Variants in LMBR1 observed in about 807,000 individuals in gnomAD.
The protein encoded by LMBR1 is limb region 1 protein homolog.
In LMBR1, 52 loss-of-function variants were observed where a neutral mutation model predicts 73.9. The ratio of observed to expected loss-of-function variants is 0.70; its 90% CI spans 0.56 to 0.89. LMBR1 has a LOEUF of 0.89. LMBR1 is among the 40% of genes least tolerant of loss of function. The pLI is 0.00. For synonymous variants in LMBR1, 215 were observed against 209.4 expected (o/e 1.03, Z -0.23); for missense variants, 539 against 579.8 (o/e 0.93, Z 0.72).
chr7:156,850,349 A>G (rs1020633134), intron 1 of LMBR1, among the ~76,000 whole-genome samples: 1 of 152,174 alleles, frequency 6.6e-6, no homozygotes, highest in Non-Finnish European at 1.5e-5. Context: ...TGTTCATTAT[A>G]TATTATCCAG....
rs754477172 is a variant in LMBR1 at position 156,780,084 on chromosome 7, C to T, written c.424-16289G>A. ...CCCAAGTAATCATTAAGAGCATACACGAAAAAGCTTTGGTCTCACGTCAGA... is the reference window on the plus strand; with the variant it reads ...CCCAAGTAATCATTAAGAGCATACATGAAAAAGCTTTGGTCTCACGTCAGA... On this transcript the variant is annotated intron_variant, in intron 5 of 16. Transcript: ENST00000353442. Among the ~76,000 whole-genome samples, 6 of 152,154 alleles carry T rather than the reference C, an allele frequency of 3.9e-5. No individual in the cohort carries two copies. In the South Asian group the frequency reaches 8.3e-4, roughly 21 times the overall value.
At chr7:156,853,115 T>A (rs1796468976) in intron 1 of LMBR1, among the ~76,000 whole-genome samples, 1 of 151,584 alleles carries the variant, frequency 6.6e-6, no homozygotes, top group Non-Finnish European at 1.5e-5. Context: ...ATTTTTTGTA[T>A]TTTTAGTAGA....
chr7:156,691,431 C>T (rs565754694), intron 15 of LMBR1, among the ~76,000 whole-genome samples: 24 of 152,134 alleles, frequency 1.6e-4, no homozygotes, highest in African/African-American at 5.5e-4. Flanking sequence ...TCTATTCATA[C>T]CTATAAAAGA....
chr7:156,742,677 A>G (rs544878100), intron 9 of LMBR1, among the ~76,000 whole-genome samples: 1 of 152,312 alleles, frequency 6.6e-6, no homozygotes, highest in South Asian at 2.1e-4. Context: ...GAAGTCTACC[A>G]AACATTTAAA....
intron 1 of LMBR1, among the ~76,000 whole-genome samples, chr7:156,861,383 CA>C (rs1797692407): frequency 6.6e-6 from 1 of 152,184 alleles, no homozygotes; most frequent in Non-Finnish European, 1.5e-5. Flanking sequence ...CTGCACAGAG[CA>C]GGGGGGCCCT....
intron 4 of LMBR1, among the ~76,000 whole-genome samples, chr7:156,826,314 C>G (rs1010066083): frequency 2.6e-5 from 4 of 152,100 alleles, no homozygotes; most frequent in African/African-American, 9.7e-5. Flanking sequence ...TTGAGTTCTT[C>G]TGACATAGTC....
At chr7:156,730,966 GAAA>G (rs879465635) in intron 10 of LMBR1, among the ~76,000 whole-genome samples, 1 of 149,052 alleles carries the variant, frequency 6.7e-6, no homozygotes. Context: ...GAAAAAGAGG[GAAA>G]AAAAAAGACA....
intron 4 of LMBR1, among the ~76,000 whole-genome samples, chr7:156,802,913 T>C (rs978453680): frequency 2.0e-5 from 3 of 152,106 alleles, no homozygotes; most frequent in Admixed American, 1.3e-4. Flanking sequence ...GGATTCCCTA[T>C]TTAATAAATG....
intron 15 of LMBR1, among the ~76,000 whole-genome samples, chr7:156,709,667 T>A (rs572697857): frequency 6.6e-6 from 1 of 152,218 alleles, no homozygotes; most frequent in Non-Finnish European, 1.5e-5. Flanking sequence ...GGGAGAACAC[T>A]GTATCAAGGG....
chr7:156,831,103 A>T (rs1329514622), intron 3 of LMBR1, among the ~76,000 whole-genome samples: 4 of 152,228 alleles, frequency 2.6e-5, no homozygotes, highest in African/African-American at 7.2e-5. Flanking sequence ...GGCCTCACTG[A>T]AAAGTTGAGA....
At chr7:156,774,554 G>A (rs186862354) in intron 5 of LMBR1, among the ~76,000 whole-genome samples, 205 of 152,266 alleles carry the variant, frequency 1.3e-3, no homozygotes, top group African/African-American at 4.5e-3. Context: ...GAGATCAGCC[G>A]GGTGAGACAG....
intron 5 of LMBR1, among the ~76,000 whole-genome samples, 196 bp downstream of exon 5, chr7:156,796,193 T>C (rs1830033641): frequency 6.6e-6 from 1 of 152,250 alleles, no homozygotes; most frequent in East Asian, 1.9e-4. Context: ...GTCTAAAAGA[T>C]GTCTCTCTCT....
At chr7:156,809,621 A>G (rs1001927693) in intron 4 of LMBR1, among the ~76,000 whole-genome samples, 2 of 152,154 alleles carry the variant, frequency 1.3e-5, no homozygotes, top group Non-Finnish European at 2.9e-5. Context: ...TTTTTTTCCA[A>G]TATTTGTGAT....
intron 6 of LMBR1, 51 bp downstream of exon 6, chr7:156,763,618 C>T: frequency 1.3e-6 from 2 of 1,503,162 alleles, no homozygotes; most frequent in Non-Finnish European, 1.8e-6. Flanking sequence ...TAATTATATC[C>T]CAAACTACAG....
chr7:156,856,455 T>C (rs934247845), intron 1 of LMBR1, among the ~76,000 whole-genome samples: 9 of 152,148 alleles, frequency 5.9e-5, no homozygotes, highest in African/African-American at 9.7e-5. Context: ...GTGGCTGGGC[T>C]CATGGCTGTA....
intron 1 of LMBR1, among the ~76,000 whole-genome samples, chr7:156,851,739 T>C (rs867848098): frequency 1.5e-4 from 23 of 152,174 alleles, no homozygotes; most frequent in African/African-American, 5.3e-4. Flanking sequence ...TAGATATACA[T>C]AGAGGTATGA....
intron 5 of LMBR1, among the ~76,000 whole-genome samples, chr7:156,781,144 T>C (rs1321706990): frequency 6.6e-6 from 1 of 152,182 alleles, no homozygotes; most frequent in Non-Finnish European, 1.5e-5. Context: ...AAAAGAAAGA[T>C]CATTAGCATT....
chr7:156,810,870 G>T (rs141313315), intron 4 of LMBR1, among the ~76,000 whole-genome samples: 2 of 151,182 alleles, frequency 1.3e-5, no homozygotes, highest in Non-Finnish European at 2.9e-5. Flanking sequence ...GTACAGTGGC[G>T]CAATCTTGGC....
downstream of LMBR1, among the ~76,000 whole-genome samples, chr7:156,676,042 G>C (rs1382346136): frequency 6.6e-6 from 1 of 151,776 alleles, no homozygotes. Context: ...GACTCACTTT[G>C]GGAAGCCTAG....
Sources: gnomAD v4.1 joint callset for allele counts (sites outside exome capture counted in the v4.1 genomes callset) on GRCh38, gnomAD v4.1.1 for gene constraint, MANE v1.5 for transcripts, NCBI Gene and HGNC (gene_info 2026-07-23, HGNC 2026-07-21) for gene names.